The following GCNT3 variants were observed in gnomAD, a reference collection of about 807,000 sequenced individuals.
The protein encoded by GCNT3 is beta-1,3-galactosyl-O-glycosyl-glycoprotein beta-1,6-N-acetylglucosaminyltransferase 3.
For synonymous variants in GCNT3, 269 were observed against 195.2 expected, an observed-to-expected ratio of 1.38 and a Z score of -3.15; for missense variants, 708 against 530.3, an observed-to-expected ratio of 1.34 and a Z score of -3.29.
At position 59,619,404 on chromosome 15, in the gene GCNT3, C is replaced by T; in HGVS notation, c.1166C>T (p.Ala389Val). The T allele has an allele frequency of 3.1e-6, 5 of 1,614,102 alleles. No individual in the cohort carries two copies. Among genetic ancestry groups the T allele is most frequent in the Non-Finnish European group, 4.2e-6 (5 of 1,180,012 alleles). The stretch of plus-strand genomic sequence containing the variant: ...CCCTGCTCTGGAATCCACCAGCGGG[C>T]TATCTGCGTTTATGGGGCTGGGGAC... ...YAPCSGIHQR[A>V]ICVYGAGDLN... The change falls in exon 3 of 3, where the codon GCT (alanine) becomes GTT (valine). Residue 389 changes from alanine (A) to valine (V), a missense_variant. Physicochemically the swap from Ala to Val is moderately conservative, Grantham distance 64. Coordinates refer to ENST00000396065, the MANE Select transcript of GCNT3 (RefSeq NM_004751.3).
intron 2 of GCNT3, chr15:59,617,930 C>G (rs1022155671): frequency 9.2e-6 from 2 of 218,220 alleles, no homozygotes; most frequent in Non-Finnish European, 1.8e-5. Flanking sequence ...TCCATGGCAG[C>G]AGGTGCTCAG....
chr15:59,619,645 G>A lies in GCNT3; in HGVS notation c.*90G>A, dbSNP rs1407770730. 8.5e-6 allele frequency: 7 copies of A among 821,362 alleles called. No homozygotes were observed. The highest frequency in any genetic ancestry group is 1.4e-5 in the Non-Finnish European group (7 of 498,834). The allele number at this position is 821,362 out of a possible 1,614,324, so 50.9% of individuals were successfully genotyped here. A position where few individuals can be genotyped will look rare whatever the true frequency, so the allele number is the denominator to read the frequency against. On this transcript the variant is annotated 3_prime_UTR_variant, in exon 3 of 3. Coordinates refer to ENST00000396065, the MANE Select transcript of GCNT3 (RefSeq NM_004751.3). ...TGGGACAGTGTGGGTGGGAGACCAGGGCTTTGCAATTCGTGGCATCCTTTA... is the reference window on the plus strand; with the variant it reads ...TGGGACAGTGTGGGTGGGAGACCAGAGCTTTGCAATTCGTGGCATCCTTTA...
At position 59,618,498 on chromosome 15, in the gene GCNT3, A is replaced by T; in HGVS notation, c.260A>T (p.Asn87Ile). ...GAGGCAGTGCTTCAGGCTATTCTGAATAACCTGGAGGTCAAGAAGAAGCGA... is the reference window on the plus strand; with the variant it reads ...GAGGCAGTGCTTCAGGCTATTCTGATTAACCTGGAGGTCAAGAAGAAGCGA... ...DQEAVLQAIL[N>I]NLEVKKKREP... Residue 87 changes from asparagine (N) to isoleucine (I), a missense_variant, in exon 3 of 3, where the codon AAT becomes ATT. Asn to Ile is a moderately radical substitution (Grantham distance 149). Transcript: ENST00000396065. The T allele has an allele frequency of 6.2e-7, 1 of 1,614,200 alleles. No homozygotes were observed.
Position 59,618,852 on chromosome 15 carries a change from C to T in GCNT3, c.614C>T (p.Ala205Val), listed in dbSNP as rs753574676. Residue 205 changes from alanine (A) to valine (V), a missense_variant, in exon 3 of 3, where the codon GCT (alanine) becomes GTT (valine). Transcript: ENST00000396065. ...VVYASWSRVQ[A>V]DLNCMEDLLQ... The stretch of plus-strand genomic sequence containing the variant: ...TATGCCTCCTGGTCCAGGGTGCAAG[C>T]TGACCTCAACTGCATGGAAGACTTG... 2 of 1,614,164 alleles carry T rather than the reference C, an allele frequency of 1.2e-6. No homozygotes were observed. Among genetic ancestry groups the T allele is most frequent in the South Asian group, 2.2e-5 (2 of 91,084 alleles).
chr15:59,619,991 A>T lies in GCNT3; in HGVS notation c.*436A>T, dbSNP rs2082740063. On this transcript the variant is annotated 3_prime_UTR_variant, in exon 3 of 3. Coordinates refer to ENST00000396065, the MANE Select transcript of GCNT3 (RefSeq NM_004751.3). ...CTTCTGTACTGTTAACTTAAAAATA[A>T]ATAGCTCCTGATTCAAAGTATTACC... 1.7e-5 allele frequency: 3 copies of T among 171,486 alleles called. No homozygotes were observed. In the Admixed American group the frequency reaches 1.8e-4, roughly 11 times the overall value. 10.6% of individuals were successfully genotyped at this position (171,486 alleles called of 1,614,324 possible).
intron 1 of GCNT3, among the ~76,000 whole-genome samples, chr15:59,613,785 A>G (rs1053341742): frequency 6.6e-6 from 1 of 152,024 alleles, no homozygotes; most frequent in African/African-American, 2.4e-5. Flanking sequence ...TAATCCCAGC[A>G]CTTTGGAAGC....
At position 59,621,669 on chromosome 15, in the gene GCNT3, C is replaced by G. The variant is rs1186187866; in HGVS notation, c.*2114C>G. 8.1e-6 allele frequency: 1 copy of G among 123,958 alleles called. No individual in the cohort carries two copies. The highest frequency in any genetic ancestry group is 3.1e-5 in the African/African-American group (1 of 32,654). The allele number at this position is 123,958 out of a possible 1,614,324, so 7.7% of individuals were successfully genotyped here. On this transcript the variant is annotated 3_prime_UTR_variant, in exon 3 of 3. Coordinates refer to ENST00000396065, the MANE Select transcript of GCNT3 (RefSeq NM_004751.3). The stretch of plus-strand genomic sequence containing the variant: ...TGCAACGAATGGCGCAATCTTGGCT[C>G]ATTACAACCTCCGCCTCCTGGGTCC...
In GCNT3 at chr15:59,619,107, T is replaced by A. The variant is rs1439845876; in HGVS notation, c.869T>A (p.Leu290Ter). The A allele has an allele frequency of 1.2e-6, 2 of 1,614,158 alleles. No individual in the cohort carries two copies. Among genetic ancestry groups the A allele is most frequent in the African/African-American group, 2.7e-5 (2 of 75,054 alleles). ...AAGAAGGATCCTCCCCCTTATAATT[T>A]AACTATGTTTACAGGGAATGCGTAC... ...NKKKDPPPYN[L>*]TMFTGNAYIV... The change falls in exon 3 of 3, where the codon TTA becomes TAA. Residue 290 changes from leucine (L) to a stop codon, truncating the protein, a stop_gained. Coordinates refer to ENST00000396065, the MANE Select transcript of GCNT3 (RefSeq NM_004751.3). LOFTEE classifies it low-confidence loss of function (END_TRUNC).
At position 59,620,426 on chromosome 15, in the gene GCNT3, G is replaced by A. The variant is rs9806231; in HGVS notation, c.*871G>A. On this transcript the variant is annotated 3_prime_UTR_variant, in exon 3 of 3. Coordinates refer to ENST00000396065, the MANE Select transcript of GCNT3 (RefSeq NM_004751.3). Reference sequence around the variant, plus strand: ...TGTGATCTGCCCGCCTCGGCCTTCCGAAATGCTGGGATTACAGGTGGGAAC... The same window carrying A: ...TGTGATCTGCCCGCCTCGGCCTTCCAAAATGCTGGGATTACAGGTGGGAAC... The A allele has an allele frequency of 0.99, 165,154 of 167,174 alleles. 81,614 individuals are homozygous for A. Among genetic ancestry groups the A allele is most frequent in the Middle Eastern group, 1 (298 of 298 alleles). 10.4% of individuals were successfully genotyped at this position (167,174 alleles called of 1,614,324 possible).
At chr15:59,612,289 G>T (rs1398568375) in intron 1 of GCNT3, among the ~76,000 whole-genome samples, 3 of 152,228 alleles carry the variant, frequency 2.0e-5, no homozygotes, top group Non-Finnish European at 4.4e-5. Context: ...GCCTGAACTA[G>T]TGATTAGGAG....
chr15:59,619,353 A>G lies in GCNT3; in HGVS notation c.1115A>G (p.Asp372Gly). Reference sequence around the variant, plus strand: ...GTCAAGTGGCAGGGTCATGAGGGAGACATCGATAAGGGTGCTCCTTATGCT... The same window carrying G: ...GTCAAGTGGCAGGGTCATGAGGGAGGCATCGATAAGGGTGCTCCTTATGCT... ...RLVKWQGHEG[D>G]IDKGAPYAPC... Residue 372 changes from aspartate to glycine, a missense_variant, in exon 3 of 3, where the codon GAC becomes GGC. Physicochemically the swap from Asp to Gly is moderately conservative, Grantham distance 94. Transcript: ENST00000396065. The G allele has an allele frequency of 6.2e-7, 1 of 1,614,072 alleles. No individual in the cohort carries two copies. The highest frequency in any genetic ancestry group is 1.1e-5 in the South Asian group (1 of 91,080).
chr15:59,619,364 G>T lies in GCNT3; in HGVS notation c.1126G>T (p.Gly376Cys). 3 of 1,614,090 alleles carry T rather than the reference G, an allele frequency of 1.9e-6. No individual in the cohort carries two copies. Among genetic ancestry groups the T allele is most frequent in the South Asian group, 1.1e-5 (1 of 91,080 alleles). ...WQGHEGDIDK[G>C]APYAPCSGIH... ...GGGTCATGAGGGAGACATCGATAAG[G>T]GTGCTCCTTATGCTCCCTGCTCTGG... Residue 376 changes from glycine (G) to cysteine (C), a missense_variant, in exon 3 of 3, where the codon GGT becomes TGT. By Grantham distance (159) the Gly-to-Cys change is radical. Coordinates refer to ENST00000396065, the MANE Select transcript of GCNT3 (RefSeq NM_004751.3).
At chr15:59,617,068 C>A (rs544466184) in intron 2 of GCNT3, among the ~76,000 whole-genome samples, 187 bp downstream of exon 2, 1 of 151,668 alleles carries the variant, frequency 6.6e-6, no homozygotes, top group Non-Finnish European at 1.5e-5. Context: ...GTTTTCTTTA[C>A]TGATATTCAG....
At chr15:59,615,388 C>T (rs1340755227) in intron 1 of GCNT3, among the ~76,000 whole-genome samples, 1 of 152,110 alleles carries the variant, frequency 6.6e-6, no homozygotes, top group Non-Finnish European at 1.5e-5. Context: ...TGAGTGGTCA[C>T]CACTCTTCAG....
chr15:59,617,102 T>C (rs1174001891), intron 2 of GCNT3, among the ~76,000 whole-genome samples: 1 of 151,764 alleles, frequency 6.6e-6, no homozygotes, highest in African/African-American at 2.4e-5. Flanking sequence ...ATTTATTTTT[T>C]CTTTTTTTTC....
chr15:59,613,581 AAT>A, intron 1 of GCNT3, among the ~76,000 whole-genome samples: 1 of 150,370 alleles, frequency 6.7e-6, no homozygotes, highest in East Asian at 1.9e-4. Context: ...AATAAATAAA[AAT>A]AAAAATAAAT....
chr15:59,620,342 A>G lies in GCNT3; in HGVS notation c.*787A>G, dbSNP rs530122633. 3.6e-5 allele frequency: 6 copies of G among 166,566 alleles called. No individual in the cohort carries two copies. In the East Asian group the frequency reaches 1.2e-3, roughly 32 times the overall value. 10.3% of individuals were successfully genotyped at this position (166,566 alleles called of 1,614,324 possible). A position where few individuals can be genotyped will look rare whatever the true frequency, so the allele number is the denominator to read the frequency against. ...AGCACCATGTCTGGCTAATTTTTGT[A>G]TTTTTAGTAGAGGCCGGGTTTCACC... On this transcript the variant is annotated 3_prime_UTR_variant, in exon 3 of 3. Coordinates refer to ENST00000396065, the MANE Select transcript of GCNT3 (RefSeq NM_004751.3).
chr15:59,620,877 T>TA lies in GCNT3; in HGVS notation c.*1322_*1323insA, dbSNP rs1278727049. Reference sequence around the variant, plus strand: ...GGCCTCTTGAGTCAAAACTCTTTTTTTTTTTTTTTTTTTTTTTTTTTTTGG... The same window carrying TA: ...GGCCTCTTGAGTCAAAACTCTTTTTTATTTTTTTTTTTTTTTTTTTTTTTGG... On this transcript the variant is annotated 3_prime_UTR_variant, in exon 3 of 3. Coordinates refer to ENST00000396065, the MANE Select transcript of GCNT3 (RefSeq NM_004751.3). 1 of 123,712 alleles carries TA rather than the reference T, an allele frequency of 8.1e-6. No homozygotes were observed. Among genetic ancestry groups the TA allele is most frequent in the Non-Finnish European group, 1.7e-5 (1 of 59,676 alleles). The allele number at this position is 123,712 out of a possible 1,614,324, so 7.7% of individuals were successfully genotyped here. A position where few individuals can be genotyped will look rare whatever the true frequency, so the allele number is the denominator to read the frequency against.
chr15:59,612,553 A>G (rs2082701011), intron 1 of GCNT3, among the ~76,000 whole-genome samples: 1 of 152,132 alleles, frequency 6.6e-6, no homozygotes, highest in African/African-American at 2.4e-5. Flanking sequence ...GCAGGGGTAA[A>G]AGGAACCCTG....
Sources: allele counts gnomAD v4.1 joint callset (sites outside exome capture counted in the v4.1 genomes callset), GRCh38; gene constraint gnomAD v4.1.1; transcripts MANE v1.5; gene names NCBI Gene and HGNC (gene_info 2026-07-23, HGNC 2026-07-21).